Variants in PI15 observed in about 807,000 individuals in gnomAD.
The protein encoded by PI15 is 25 kDa trypsin inhibitor.
A neutral mutation model predicts 31.0 loss-of-function variants in PI15; 18 were observed. That is an observed-to-expected ratio of 0.58 (90% CI 0.40 to 0.86). PI15 has a LOEUF of 0.86. Among genes scored for constraint, PI15 ranks in the 40% least tolerant of loss-of-function variants. The pLI, the probability that PI15 is intolerant of heterozygous loss-of-function variation, is 0.00. For missense variants in PI15, 282 were observed against 328.1 expected (o/e 0.86, Z 1.09); for synonymous variants, 118 against 119.1 (o/e 0.99, Z 0.06).
chr8:74,839,866 A>T (rs1021981334), intron 2 of PI15, among the ~76,000 whole-genome samples: 1 of 152,174 alleles, frequency 6.6e-6, no homozygotes, highest in African/African-American at 2.4e-5. Flanking sequence ...AGAGAAATTT[A>T]TCAGATAGAT....
At chr8:74,833,773 G>A (rs73689272) in intron 2 of PI15, among the ~76,000 whole-genome samples, 2,236 of 152,218 alleles carry the variant, frequency 0.015, 55 homozygotes, top group African/African-American at 0.05. Context: ...CTTCCCCAAG[G>A]TCATAGAGCA....
In PI15 at chr8:74,825,530, G is replaced by T. The variant is rs773725218; in HGVS notation, c.273+8G>T. The T allele has an allele frequency of 2.8e-5, 42 of 1,522,942 alleles. No homozygotes were observed. Among genetic ancestry groups the T allele is most frequent in the Non-Finnish European group, 2.8e-5 (31 of 1,120,938 alleles). 94.3% of individuals were successfully genotyped at this position (1,522,942 alleles called of 1,614,324 possible). ...GCAAATATGGAATATATGGTAAGAA[G>T]AATTCTTTTTTTTTTTTTTAAGTTC... On this transcript the variant is annotated splice_region_variant and intron_variant, in intron 2 of 5. Transcript: ENST00000260113.
In PI15 at chr8:74,849,392, T is replaced by TA. The variant is rs1811073281; in HGVS notation, c.*140dup. ...CCTCTTAGTATTCCTTTGTATAAAT[T>TA]AGTGTTTGTCTAGCATGTTTGTTTA... is the stretch of plus-strand genomic sequence containing the variant. On this transcript the variant is annotated 3_prime_UTR_variant, in exon 6 of 6. Coordinates refer to ENST00000260113, the MANE Select transcript of PI15 (RefSeq NM_015886.5). The TA allele has an allele frequency of 1.7e-6, 1 of 580,260 alleles. No homozygotes were observed. Among genetic ancestry groups the TA allele is most frequent in the Admixed American group, 3.5e-5 (1 of 28,850 alleles). The allele number at this position is 580,260 out of a possible 1,614,324, so 35.9% of individuals were successfully genotyped here. A position where few individuals can be genotyped will look rare whatever the true frequency, so the allele number is the denominator to read the frequency against.
Position 74,847,475 on chromosome 8 carries a change from T to G in PI15, c.642-1643T>G, listed in dbSNP as rs185665702. Among the ~76,000 whole-genome samples the G allele has an allele frequency of 8.0e-3, 1,184 of 148,188 alleles. 10 individuals are homozygous for G. Among genetic ancestry groups the G allele is most frequent in the Non-Finnish European group, 0.013 (852 of 67,148 alleles). ...AAAAAAAAAAATACATAGAGGGAAA[T>G]AAGATTATGAATGGTACAGGATTAG... On this transcript the variant is annotated intron_variant, in intron 5 of 5. Transcript: ENST00000260113.
At chr8:74,835,161 C>A (rs1014467955) in intron 2 of PI15, among the ~76,000 whole-genome samples, 3 of 152,066 alleles carry the variant, frequency 2.0e-5, no homozygotes, top group Non-Finnish European at 4.4e-5. Context: ...ATATTCACAA[C>A]CTTACCCCCA....
chr8:74,827,498 C>T (rs749106530), intron 2 of PI15, among the ~76,000 whole-genome samples: 1 of 152,138 alleles, frequency 6.6e-6, no homozygotes, highest in Non-Finnish European at 1.5e-5. Context: ...TTTGATAGCT[C>T]ACATTCTCCG....
In PI15 at chr8:74,825,315, C is replaced by G. The variant is rs889072183; in HGVS notation, c.66C>G (p.Val22=). The change falls in exon 2 of 6, where the codon GTC becomes GTG. Residue 22 remains valine, a synonymous_variant. Coordinates refer to ENST00000260113, the MANE Select transcript of PI15 (RefSeq NM_015886.5). ...CCCTTCTCTGTGAAGCAAGTACCGT[C>G]GTCCTACTCAATTCCACTGACTCAT... is the stretch of plus-strand genomic sequence containing the variant. The part of the protein sequence containing the change: ...LFSLLCEAST[V]VLLNSTDSSP... 2 of 1,613,044 alleles carry G rather than the reference C, an allele frequency of 1.2e-6. No individual in the cohort carries two copies. Among genetic ancestry groups the G allele is most frequent in the Admixed American group, 3.3e-5 (2 of 59,960 alleles).
At chr8:74,844,525 T>A (rs1464447741) in intron 3 of PI15, among the ~76,000 whole-genome samples, 1 of 151,826 alleles carries the variant, frequency 6.6e-6, no homozygotes, top group Non-Finnish European at 1.5e-5. Flanking sequence ...TACATAAACA[T>A]ATACAATAAA....
intron 2 of PI15, among the ~76,000 whole-genome samples, chr8:74,826,537 A>G (rs990288267): frequency 3.3e-5 from 5 of 152,152 alleles, no homozygotes; most frequent in Non-Finnish European, 7.4e-5. Context: ...ACAGAGTCAC[A>G]GTTCATAGAA....
chr8:74,825,533 TTC>T lies in PI15; in HGVS notation c.273+13_273+14del. The T allele has an allele frequency of 6.4e-7, 1 of 1,565,654 alleles. No individual in the cohort carries two copies. Among genetic ancestry groups the T allele is most frequent in the Non-Finnish European group, 8.6e-7 (1 of 1,159,140 alleles). ...AATATGGAATATATGGTAAGAAGAA[TTC>T]TTTTTTTTTTTTTTAAGTTCTGAGT... On this transcript the variant is annotated intron_variant, in intron 2 of 5. Coordinates refer to ENST00000260113, the MANE Select transcript of PI15 (RefSeq NM_015886.5).
At chr8:74,837,188 A>G (rs1327895873) in intron 2 of PI15, among the ~76,000 whole-genome samples, 7 of 152,204 alleles carry the variant, frequency 4.6e-5, no homozygotes, top group Non-Finnish European at 8.8e-5. Context: ...TTTTTGATAT[A>G]CATAATATAG....
intron 2 of PI15, among the ~76,000 whole-genome samples, chr8:74,834,309 G>GAAAGA: frequency 6.6e-6 from 1 of 152,136 alleles, no homozygotes; most frequent in Admixed American, 6.6e-5. Context: ...ATTTCTTCAT[G>GAAAGA]TGGAATCAAA....
intron 5 of PI15, 41 bp from the exon 6 acceptor site, chr8:74,849,077 G>A: frequency 6.3e-7 from 1 of 1,580,654 alleles, no homozygotes; most frequent in South Asian, 1.1e-5. Flanking sequence ...TAAAAAATGG[G>A]TGGGTTGCAC....
chr8:74,848,732 T>TATATATAGAGAGAGAG lies in PI15; in HGVS notation c.642-385_642-384insTATATAGAGAGAGAGA, dbSNP rs1191072583. On this transcript the variant is annotated intron_variant, in intron 5 of 5. Coordinates refer to ENST00000260113, the MANE Select transcript of PI15 (RefSeq NM_015886.5). ...ATATATAAATATATATATATATATA[T>TATATATAGAGAGAGAG]AGAGAGAGAGAGAGAGAGAGAGACG... is the stretch of plus-strand genomic sequence containing the variant. Among the ~76,000 whole-genome samples the TATATATAGAGAGAGAG allele has an allele frequency of 2.4e-3, 328 of 136,328 alleles. 3 individuals are homozygous for TATATATAGAGAGAGAG. The highest frequency in any genetic ancestry group is 8.6e-3 in the African/African-American group (311 of 36,116). The allele number at this position is 136,328 out of a possible 152,430, so 89.4% of individuals were successfully genotyped here.
intron 3 of PI15, chr8:74,844,847 T>C (rs893795553): frequency 5.2e-5 from 19 of 362,312 alleles, no homozygotes; most frequent in Non-Finnish European, 9.0e-5. Flanking sequence ...AAATAAGACA[T>C]TGATGATTCC....
chr8:74,843,386 T>C (rs115435597), intron 2 of PI15, among the ~76,000 whole-genome samples: 2,235 of 152,330 alleles, frequency 0.015, 57 homozygotes, highest in African/African-American at 0.049. Flanking sequence ...AACAGTGGCC[T>C]GAATTTGCTT....
rs1811149319 is a variant in PI15, at chr8:74,854,283, A to G, written c.*5030A>G. ...AATTATGTTAGCATAATCAAGGAAG[A>G]TTTACCTTGAAGCACTTTCCAAATT... On this transcript the variant is annotated 3_prime_UTR_variant, in exon 6 of 6. Transcript: ENST00000260113. The G allele has an allele frequency of 6.6e-6, 1 of 152,098 alleles. No individual in the cohort carries two copies. The highest frequency in any genetic ancestry group is 2.1e-4 in the South Asian group (1 of 4,830). The allele number at this position is 152,098 out of a possible 1,614,324, so 9.4% of individuals were successfully genotyped here.
At chr8:74,834,738 G>T (rs1043213309) in intron 2 of PI15, among the ~76,000 whole-genome samples, 12 of 152,166 alleles carry the variant, frequency 7.9e-5, no homozygotes, top group Admixed American at 5.2e-4. Context: ...ATCACTGGTT[G>T]CACTTTCTGG....
chr8:74,847,253 C>T (rs1463812630), intron 5 of PI15, among the ~76,000 whole-genome samples: 1 of 151,976 alleles, frequency 6.6e-6, no homozygotes, highest in African/African-American at 2.4e-5. Flanking sequence ...CAAGACCAGC[C>T]TGACCAACAT....
Sources: gnomAD v4.1 joint callset for allele counts (sites outside exome capture counted in the v4.1 genomes callset) on GRCh38, gnomAD v4.1.1 for gene constraint, MANE v1.5 for transcripts, NCBI Gene and HGNC (gene_info 2026-07-23, HGNC 2026-07-21) for gene names.